Variants in MTF2 observed in about 807,000 individuals in gnomAD.
MTF2 encodes the protein metal-response element-binding transcription factor 2.
A neutral mutation model predicts 79.5 loss-of-function variants in MTF2; 11 were observed. The ratio of observed to expected loss-of-function variants is 0.14; its 90% CI spans 0.09 to 0.23. The LOEUF (loss-of-function observed/expected upper bound fraction) is 0.23. MTF2 is among the 10% of genes least tolerant of loss of function. MTF2 has a pLI of 1.00. For missense variants in MTF2, 486 were observed against 711.2 expected (o/e 0.68, Z 3.60); for synonymous variants, 208 against 232.8 (o/e 0.89, Z 0.97).
chr1:93,119,221 T>C, intron 7 of MTF2, 112 bp from the exon 8 acceptor site: 1 of 693,000 alleles, frequency 1.4e-6, no homozygotes, highest in Non-Finnish European at 2.4e-6. Context: ...TTGTTTTGAG[T>C]ATCAGTCTTT....
chr1:93,108,675 A>C (rs1655906744), intron 1 of MTF2, among the ~76,000 whole-genome samples: 1 of 74,244 alleles, frequency 1.3e-5, no homozygotes, highest in South Asian at 3.7e-4. Context: ...ATCTCTTTGC[A>C]TTTATCCTAC....
In MTF2 at chr1:93,079,468, C is replaced by G; in HGVS notation, c.-59C>G. 1 of 1,612,444 alleles carries G rather than the reference C, an allele frequency of 6.2e-7. No individual in the cohort carries two copies. The highest frequency in any genetic ancestry group is 2.2e-5 in the East Asian group (1 of 44,866). ...CTCGGACTCGCAGGGGAAGCGCCCA[C>G]GGGGACGGATTGGTTGTTTTTTCCT... On this transcript the variant is annotated 5_prime_UTR_variant, in exon 1 of 15. Transcript: ENST00000370298.
At chr1:93,115,699 A>G in intron 6 of MTF2, 81 bp downstream of exon 6, 1 of 1,174,978 alleles carries the variant, frequency 8.5e-7, no homozygotes, top group Non-Finnish European at 1.1e-6. Context: ...TGTGTGAGTG[A>G]TGGTGAATTG....
chr1:93,104,534 C>T (rs949179766), intron 1 of MTF2, among the ~76,000 whole-genome samples: 5 of 151,684 alleles, frequency 3.3e-5, no homozygotes, highest in African/African-American at 1.2e-4. Context: ...CAAAAATTAG[C>T]TGGGCGTGGT....
intron 1 of MTF2, among the ~76,000 whole-genome samples, chr1:93,105,016 C>A (rs971667225): frequency 1.3e-5 from 2 of 151,224 alleles, no homozygotes; most frequent in South Asian, 4.2e-4. Flanking sequence ...TAGTGGCGGG[C>A]GCCTGTAGTC....
chr1:93,129,527 A>G (rs1295900356), intron 11 of MTF2, 79 bp downstream of exon 11: 4 of 1,093,610 alleles, frequency 3.7e-6, no homozygotes, highest in Non-Finnish European at 4.9e-6. Context: ...TCTCCTTAGT[A>G]TATTTGAAAG....
At chr1:93,128,570 A>T (rs1453670773) in intron 10 of MTF2, among the ~76,000 whole-genome samples, 1 of 151,730 alleles carries the variant, frequency 6.6e-6, no homozygotes, top group Non-Finnish European at 1.5e-5. Context: ...AAAAAAAAAA[A>T]AAAATTAAAA....
intron 3 of MTF2, among the ~76,000 whole-genome samples, chr1:93,114,362 C>G (rs1571238604): frequency 6.6e-6 from 1 of 152,212 alleles, no homozygotes; most frequent in South Asian, 2.1e-4. Flanking sequence ...CAAACCTTCT[C>G]TATCTGCTGT....
intron 1 of MTF2, among the ~76,000 whole-genome samples, chr1:93,108,173 C>T (rs949362521): frequency 3.3e-5 from 5 of 152,094 alleles, no homozygotes; most frequent in African/African-American, 1.2e-4. Flanking sequence ...TATTATGGGT[C>T]TAACAATACA....
intron 5 of MTF2, 22 bp downstream of exon 5, chr1:93,115,110 C>T (rs776265525): frequency 1.3e-6 from 2 of 1,511,350 alleles, no homozygotes; most frequent in Non-Finnish European, 1.8e-6. Flanking sequence ...GTGTTTTGGG[C>T]TAAAGCTCTG....
intron 3 of MTF2, among the ~76,000 whole-genome samples, chr1:93,111,069 T>C (rs1435054795): frequency 2.0e-5 from 3 of 152,204 alleles, no homozygotes; most frequent in African/African-American, 7.2e-5. Flanking sequence ...CATTTAGTTA[T>C]GGGTTTTTTA....
chr1:93,099,536 G>T (rs914602852), intron 1 of MTF2, among the ~76,000 whole-genome samples: 1 of 152,146 alleles, frequency 6.6e-6, no homozygotes, highest in Non-Finnish European at 1.5e-5. Flanking sequence ...TCAAACTTCC[G>T]AGGGAAGTTT....
chr1:93,134,077 T>A lies in MTF2; in HGVS notation c.1320-14T>A, dbSNP rs532110622. The A allele has an allele frequency of 6.3e-7, 1 of 1,587,994 alleles. No individual in the cohort carries two copies. The highest frequency in any genetic ancestry group is 2.2e-5 in the East Asian group (1 of 44,730). On this transcript the variant is annotated splice_polypyrimidine_tract_variant and intron_variant, in intron 13 of 14. Transcript: ENST00000370298. ...TAATATAGTCGTTACACAATTTAAA[T>A]TCTTTTGTCTCAGGAGAACTGAGGG...
chr1:93,101,301 A>G (rs1333353117), intron 1 of MTF2, among the ~76,000 whole-genome samples: 2 of 150,648 alleles, frequency 1.3e-5, no homozygotes, highest in South Asian at 2.1e-4. Flanking sequence ...GGTAGTGACT[A>G]TGAGCCCTCT....
chr1:93,103,082 A>T (rs1655614216), intron 1 of MTF2, among the ~76,000 whole-genome samples: 1 of 151,484 alleles, frequency 6.6e-6, no homozygotes, highest in Non-Finnish European at 1.5e-5. Context: ...CAGTGAGCCA[A>T]GATCGCACCA....
At chr1:93,098,988 G>A (rs982958876) in intron 1 of MTF2, among the ~76,000 whole-genome samples, 1 of 152,000 alleles carries the variant, frequency 6.6e-6, no homozygotes, top group Non-Finnish European at 1.5e-5. Context: ...GGTGAGAGGG[G>A]GATGTTTGTC....
intron 9 of MTF2, among the ~76,000 whole-genome samples, chr1:93,123,889 A>G (rs1340009628): frequency 2.0e-5 from 3 of 151,210 alleles, no homozygotes; most frequent in Non-Finnish European, 3.0e-5. Flanking sequence ...TCCATTATCA[A>G]CATCCCTCCA....
In MTF2 at chr1:93,136,920, G is replaced by T. The variant is rs1357480461; in HGVS notation, c.1675G>T (p.Ala559Ser). ...CTCCATTACCAGTTATTTTGGTGCT[G>T]CAGGTAGAATAGCATGTGGCGAAAA... ...KNSITSYFGAAGRIACGEKYR... is the reference protein window; with the variant it reads ...KNSITSYFGASGRIACGEKYR... The change falls in exon 15 of 15, where the codon GCA becomes TCA. Residue 559 changes from alanine (A) to serine (S), a missense_variant. Physicochemically the swap from Ala to Ser is moderately conservative, Grantham distance 99 (BLOSUM62 1). Transcript: ENST00000370298. 3 of 1,614,018 alleles carry T rather than the reference G, an allele frequency of 1.9e-6. No homozygotes were observed. Among genetic ancestry groups the T allele is most frequent in the Non-Finnish European group, 2.5e-6 (3 of 1,180,004 alleles).
At chr1:93,135,056 G>A (rs1291724947) in intron 14 of MTF2, among the ~76,000 whole-genome samples, 1 of 151,972 alleles carries the variant, frequency 6.6e-6, no homozygotes, top group African/African-American at 2.4e-5. Context: ...TGCAACCTCC[G>A]CCTCCTGGAT....
Sources: allele counts gnomAD v4.1 joint callset (sites outside exome capture counted in the v4.1 genomes callset), GRCh38; gene constraint gnomAD v4.1.1; transcripts MANE v1.5; gene names NCBI Gene and HGNC (gene_info 2026-07-23, HGNC 2026-07-21).